The following KCTD21 variants were observed in gnomAD, a reference collection of about 807,000 sequenced individuals.
KCTD21 encodes potassium channel tetramerization domain containing 21.
In KCTD21, 9 loss-of-function variants were observed where a neutral mutation model predicts 13.2. That is an observed-to-expected ratio of 0.68 (90% confidence interval 0.41 to 1.19). The LOEUF is 1.19. KCTD21 is among the 50% of genes most tolerant of loss of function. KCTD21 has a pLI of 0.01. For synonymous variants in KCTD21, 142 were observed against 137.4 expected (o/e 1.03, Z -0.23); for missense variants, 303 against 336.5 (o/e 0.90, Z 0.78).
Position 78,180,359 on chromosome 11 carries a change from C to A in KCTD21, c.-29-5776G>T, listed in dbSNP as rs190979356. The stretch of plus-strand genomic sequence containing the variant: ...CTCTCAAAACTCAGTAAGAAAATAA[C>A]CCAATTAAAAAACACATAAAGCTGG... On this transcript the variant is annotated intron_variant, in intron 1 of 1. Transcript: ENST00000340067. 1.2e-3 allele frequency among the ~76,000 whole-genome samples: 186 copies of A among 152,270 alleles called. 2 individuals carry two copies. In the Middle Eastern group the frequency reaches 0.017, roughly 14 times the overall value.
chr11:78,181,329 A>G (rs1470118489), intron 1 of KCTD21, among the ~76,000 whole-genome samples: 1 of 152,274 alleles, frequency 6.6e-6, no homozygotes, highest in Non-Finnish European at 1.5e-5. Context: ...TCAGCAATAT[A>G]TAGGAACTAC....
chr11:78,180,747 G>A (rs891062149), intron 1 of KCTD21, among the ~76,000 whole-genome samples: 9 of 152,194 alleles, frequency 5.9e-5, no homozygotes, highest in African/African-American at 1.7e-4. Context: ...AATGGTAACC[G>A]CTGTTGAAAA....
At chr11:78,181,656 T>C (rs1364708799) in intron 1 of KCTD21, among the ~76,000 whole-genome samples, 1 of 152,032 alleles carries the variant, frequency 6.6e-6, no homozygotes, top group African/African-American at 2.4e-5. Flanking sequence ...TCTAAAAGGG[T>C]GAATTGTGGC....
chr11:78,173,718 C>T lies in KCTD21; in HGVS notation c.*54G>A. On this transcript the variant is annotated 3_prime_UTR_variant, in exon 2 of 2. Coordinates refer to ENST00000340067, the MANE Select transcript of KCTD21 (RefSeq NM_001029859.3). Reference sequence around the variant, plus strand: ...CCACTGGCGAGATGCCCTCCAAGACCTGGCTGACATGAGCTTCCTGGGACT... The same window carrying T: ...CCACTGGCGAGATGCCCTCCAAGACTTGGCTGACATGAGCTTCCTGGGACT... 6.7e-7 allele frequency: 1 copy of T among 1,495,952 alleles called. No homozygotes were observed. The highest frequency in any genetic ancestry group is 9.1e-7 in the Non-Finnish European group (1 of 1,095,480). The allele number at this position is 1,495,952 out of a possible 1,614,324, so 92.7% of individuals were successfully genotyped here.
chr11:78,179,898 G>A (rs888650802), intron 1 of KCTD21, among the ~76,000 whole-genome samples: 1 of 152,122 alleles, frequency 6.6e-6, no homozygotes, highest in Non-Finnish European at 1.5e-5. Context: ...GGGCTTCCTG[G>A]TGCCTTGCAC....
rs1033916063 is a variant in KCTD21, at chr11:78,188,343, G to A, written c.-30+230C>T. On this transcript the variant is annotated intron_variant, in intron 1 of 1. Transcript: ENST00000340067. ...CGGGCTTTTCCGACTATCACCATCCGCCCTTGCTCTCCCAACAGCCCCGCC... is the reference window on the plus strand; with the variant it reads ...CGGGCTTTTCCGACTATCACCATCCACCCTTGCTCTCCCAACAGCCCCGCC... 599 of 980,938 alleles carry A rather than the reference G, an allele frequency of 6.1e-4. 1 individual carries two copies. Among genetic ancestry groups the A allele is most frequent in the Non-Finnish European group, 6.9e-4 (575 of 829,314 alleles). 60.8% of individuals were successfully genotyped at this position (980,938 alleles called of 1,614,324 possible). A position where few individuals can be genotyped will look rare whatever the true frequency, so the allele number is the denominator to read the frequency against.
Position 78,188,624 on chromosome 11 carries a change from T to A in KCTD21, c.-81A>T. ...CCTCCGCGAGCGGCCAGCGCAGCTT[T>A]GCGAGGGGGGCGGAGGGTAGGAGCC... is the stretch of plus-strand genomic sequence containing the variant. On this transcript the variant is annotated 5_prime_UTR_variant, in exon 1 of 2. Coordinates refer to ENST00000340067, the MANE Select transcript of KCTD21 (RefSeq NM_001029859.3). The A allele has an allele frequency of 1.0e-6, 1 of 985,470 alleles. No homozygotes were observed. The allele number at this position is 985,470 out of a possible 1,614,324, so 61.0% of individuals were successfully genotyped here.
intron 1 of KCTD21, chr11:78,176,250 T>C (rs1212858055): frequency 6.6e-6 from 1 of 152,254 alleles, no homozygotes; most frequent in African/African-American, 2.4e-5. Context: ...CCATGCTGAC[T>C]TGCCTTGCCA....
chr11:78,178,107 C>T (rs1211766203), intron 1 of KCTD21: 1 of 151,678 alleles, frequency 6.6e-6, no homozygotes, highest in Non-Finnish European at 1.5e-5. Flanking sequence ...AGTCACAGAG[C>T]TCAGTCCTCT....
chr11:78,182,869 T>C (rs752284742), intron 1 of KCTD21, among the ~76,000 whole-genome samples: 5 of 152,196 alleles, frequency 3.3e-5, no homozygotes, highest in Non-Finnish European at 5.9e-5. Flanking sequence ...TTCTGTGCAA[T>C]TTCCTTTTTT....
intron 1 of KCTD21, among the ~76,000 whole-genome samples, chr11:78,186,431 G>T (rs575831751): frequency 6.7e-6 from 1 of 149,542 alleles, no homozygotes; most frequent in East Asian, 1.9e-4. Context: ...GAGGCTGTGT[G>T]GGGTAGGGGC....
intron 1 of KCTD21, among the ~76,000 whole-genome samples, chr11:78,180,959 C>G (rs1862600563): frequency 6.6e-6 from 1 of 152,170 alleles, no homozygotes; most frequent in African/African-American, 2.4e-5. Flanking sequence ...CTTGGCACTT[C>G]TCCTTGCTGC....
At position 78,173,424 on chromosome 11, in the gene KCTD21, C is replaced by A. The variant is rs1406951839; in HGVS notation, c.*348G>T. 1 of 201,634 alleles carries A rather than the reference C, an allele frequency of 5.0e-6. No individual in the cohort carries two copies. The highest frequency in any genetic ancestry group is 2.3e-5 in the African/African-American group (1 of 42,904). 12.5% of individuals were successfully genotyped at this position (201,634 alleles called of 1,614,324 possible). A position where few individuals can be genotyped will look rare whatever the true frequency, so the allele number is the denominator to read the frequency against. ...GGGCCTTCTTACAGATGGATAAATG[C>A]GGCACTGGCTAGCGGTACAGAGAGA... On this transcript the variant is annotated 3_prime_UTR_variant, in exon 2 of 2. Coordinates refer to ENST00000340067, the MANE Select transcript of KCTD21 (RefSeq NM_001029859.3).
chr11:78,183,395 G>A (rs1163826859), intron 1 of KCTD21, among the ~76,000 whole-genome samples: 1 of 151,926 alleles, frequency 6.6e-6, no homozygotes, highest in Admixed American at 6.6e-5. Context: ...AAATAGCTGG[G>A]CGGGGTGGCG....
At chr11:78,177,448 T>C (rs1023827013) in intron 1 of KCTD21, among the ~76,000 whole-genome samples, 1 of 152,066 alleles carries the variant, frequency 6.6e-6, no homozygotes, top group Non-Finnish European at 1.5e-5. Flanking sequence ...TGGCTGCTGG[T>C]GTGGAGATGG....
chr11:78,187,371 C>T (rs910285407), intron 1 of KCTD21: 2 of 985,380 alleles, frequency 2.0e-6, no homozygotes, highest in East Asian at 2.3e-4. Flanking sequence ...CCATCACAAC[C>T]CATAGGGAGG....
chr11:78,187,581 C>G (rs755287887), intron 1 of KCTD21: 14 of 985,318 alleles, frequency 1.4e-5, no homozygotes, highest in Non-Finnish European at 1.6e-5. Context: ...CTCACTCTCA[C>G]GCTTCACCTT....
chr11:78,174,052 T>C lies in KCTD21; in HGVS notation c.503A>G (p.Asn168Ser), dbSNP rs754828905. ...LLGSKLFYCS[N>S]GNLSSITSHL... ...GCTGGTGATGGAGGAGAGATTGCCA[T>C]TGGAGCAGTAGAAGAGCTTAGAGCC... is the stretch of plus-strand genomic sequence containing the variant. Residue 168 changes from asparagine (N) to serine (S), a missense_variant, in exon 2 of 2, where the codon AAT (asparagine) becomes AGT (serine). Asn to Ser is a conservative substitution (Grantham distance 46). Transcript: ENST00000340067. 1.1e-5 allele frequency: 17 copies of C among 1,613,870 alleles called. No homozygotes were observed. Among genetic ancestry groups the C allele is most frequent in the African/African-American group, 2.7e-5 (2 of 74,866 alleles).
At chr11:78,185,354 G>A (rs1862737451) in intron 1 of KCTD21, among the ~76,000 whole-genome samples, 2 of 151,922 alleles carry the variant, frequency 1.3e-5, no homozygotes, top group African/African-American at 4.8e-5. Flanking sequence ...TTCTTCATAG[G>A]GCCAATAGAT....
Sources: gnomAD v4.1 joint callset for allele counts (sites outside exome capture counted in the v4.1 genomes callset) on GRCh38, gnomAD v4.1.1 for gene constraint, MANE v1.5 for transcripts, NCBI Gene and HGNC (gene_info 2026-07-23, HGNC 2026-07-21) for gene names.